RPS6KA2: variants seen among roughly 807,000 people sequenced by gnomAD.
RPS6KA2 encodes ribosomal protein S6 kinase alpha-2.
A neutral mutation model predicts 91.8 loss-of-function variants in RPS6KA2; 42 were observed. The observed-to-expected ratio is 0.46, with a 90% CI of 0.36 to 0.59. RPS6KA2 has a LOEUF of 0.59. RPS6KA2 is among the 20% of genes least tolerant of loss of function. The pLI is 0.00. For synonymous variants in RPS6KA2, 414 were observed against 393.6 expected, an observed-to-expected ratio of 1.05 and a Z score of -0.61; for missense variants, 798 against 978.5, an observed-to-expected ratio of 0.82 and a Z score of 2.46.
chr6:166,494,508 C>A lies in RPS6KA2; in HGVS notation c.748-3767G>T, dbSNP rs1357129906. Among the ~76,000 whole-genome samples, 2 of 152,342 alleles carry A rather than the reference C, an allele frequency of 1.3e-5. No homozygotes were observed. Among genetic ancestry groups the A allele is most frequent in the South Asian group, 4.1e-4 (2 of 4,828 alleles). ...AGAAGGATAAAGTGGTCTCACGAAACCAGAGTGCTCAAGAGATGCTTTAGA... is the reference window on the plus strand; with the variant it reads ...AGAAGGATAAAGTGGTCTCACGAAAACAGAGTGCTCAAGAGATGCTTTAGA... On this transcript the variant is annotated intron_variant, in intron 8 of 20. Coordinates refer to ENST00000265678, the MANE Select transcript of RPS6KA2 (RefSeq NM_021135.6). This position sits in a 1 kb window ranked among gnomAD's most constrained non-coding sequence, Gnocchi z 5.1.
chr6:166,529,790 G>A (rs11962129), intron 3 of RPS6KA2, among the ~76,000 whole-genome samples: 28,343 of 152,084 alleles, frequency 0.19, 2,825 homozygotes, highest in South Asian at 0.25. Context: ...ATCTGTGTTT[G>A]TAACAGTCCT....
intron 1 of RPS6KA2, among the ~76,000 whole-genome samples, chr6:166,556,704 T>C (rs771304997): frequency 5.3e-5 from 8 of 152,200 alleles, no homozygotes; most frequent in Non-Finnish European, 8.8e-5. Context: ...CCAAAGAGAA[T>C]GTAATGTTAC....
At chr6:166,843,753 C>A (rs1193203166) in intron 2 of RPS6KA2, among the ~76,000 whole-genome samples, 1 of 152,032 alleles carries the variant, frequency 6.6e-6, no homozygotes, top group Non-Finnish European at 1.5e-5. Context: ...CCCCATGGAA[C>A]AAAAGAATCT....
chr6:166,556,845 G>A (rs1380719174), intron 1 of RPS6KA2, among the ~76,000 whole-genome samples: 3 of 152,150 alleles, frequency 2.0e-5, no homozygotes, highest in African/African-American at 7.2e-5. Flanking sequence ...AAAAAAACTT[G>A]TCAGGGCAGT....
intron 2 of RPS6KA2, among the ~76,000 whole-genome samples, chr6:166,805,512 G>T (rs1430466934): frequency 1.3e-5 from 2 of 152,132 alleles, no homozygotes; most frequent in African/African-American, 4.8e-5. Flanking sequence ...CATATGCAGG[G>T]AAAATTACAC....
At chr6:166,482,548 A>G (rs59195595) in intron 10 of RPS6KA2, among the ~76,000 whole-genome samples, 2,138 of 152,368 alleles carry the variant, frequency 0.014, 58 homozygotes, top group African/African-American at 0.048. Context: ...CTCAGAAACC[A>G]GAGCCAGGAG....
intron 1 of RPS6KA2, among the ~76,000 whole-genome samples, chr6:166,567,717 C>T (rs1335833062): frequency 1.3e-5 from 2 of 152,172 alleles, no homozygotes; most frequent in East Asian, 3.9e-4. Flanking sequence ...TAAATCACAG[C>T]ACATGCTCGG....
At chr6:166,681,703 C>CCACCCT (rs1788821632) in intron 2 of RPS6KA2, among the ~76,000 whole-genome samples, 1 of 60,248 alleles carries the variant, frequency 1.7e-5, no homozygotes, top group Admixed American at 1.6e-4. Flanking sequence ...CCCCCCCCCG[C>CCACCCT]CCCCGCCCAA....
intron 1 of RPS6KA2, among the ~76,000 whole-genome samples, chr6:166,541,891 A>G (rs1783668182): frequency 6.6e-6 from 1 of 152,146 alleles, no homozygotes; most frequent in South Asian, 2.1e-4. Flanking sequence ...CTTCCCTAAT[A>G]ATATTGCGAT....
intron 1 of RPS6KA2, among the ~76,000 whole-genome samples, chr6:166,570,165 C>T (rs1784642871): frequency 6.6e-6 from 1 of 152,184 alleles, no homozygotes; most frequent in South Asian, 2.1e-4. Flanking sequence ...TTGCAGCAAC[C>T]CCAAGGGTGT....
At chr6:166,491,589 C>T (rs1583201183) in intron 8 of RPS6KA2, among the ~76,000 whole-genome samples, 2 of 152,214 alleles carry the variant, frequency 1.3e-5, no homozygotes, top group South Asian at 4.1e-4. Flanking sequence ...TCTTTCACGT[C>T]AGTTTAAATT....
intron 13 of RPS6KA2, among the ~76,000 whole-genome samples, chr6:166,449,867 CACCACGCGGACCACCATGGGACA>C (rs1419161655): frequency 3.8e-5 from 5 of 131,162 alleles, no homozygotes; most frequent in African/African-American, 1.0e-4. Context: ...CCATGGGAAC[CACCACGCGGACCACCATGGGACA>C]ACCACGAGGA....
intron 2 of RPS6KA2, among the ~76,000 whole-genome samples, chr6:166,816,391 CAAAA>C (rs61347721): frequency 3.3e-5 from 4 of 120,078 alleles, no homozygotes; most frequent in Non-Finnish European, 3.3e-5. Context: ...ACTAAAAATA[CAAAA>C]AAAAAAAAAA....
intron 4 of RPS6KA2, 78 bp downstream of exon 4, chr6:166,510,199 T>C: frequency 1.1e-6 from 1 of 896,576 alleles, no homozygotes; most frequent in Non-Finnish European, 1.8e-6. Context: ...TCTGATCTGT[T>C]ATTTCTTTTT....
chr6:166,682,115 C>G (rs1439222846), intron 2 of RPS6KA2, among the ~76,000 whole-genome samples: 2 of 152,072 alleles, frequency 1.3e-5, no homozygotes, highest in African/African-American at 2.4e-5. Flanking sequence ...GGCAATTTAC[C>G]CAAGGAATGT....
intron 2 of RPS6KA2, among the ~76,000 whole-genome samples, chr6:166,649,793 C>T (rs879801779): frequency 3.9e-5 from 6 of 152,124 alleles, no homozygotes; most frequent in South Asian, 2.1e-4. Context: ...GCTGAGACCA[C>T]GGGCTGTCTT....
intron 1 of RPS6KA2, among the ~76,000 whole-genome samples, chr6:166,568,293 A>G (rs1211637432): frequency 6.6e-6 from 1 of 152,200 alleles, no homozygotes; most frequent in African/African-American, 2.4e-5. Context: ...TTCTCAGAGG[A>G]CTGCATTAAA....
chr6:166,813,602 G>A (rs1779692920), intron 2 of RPS6KA2, among the ~76,000 whole-genome samples: 1 of 152,112 alleles, frequency 6.6e-6, no homozygotes, highest in Non-Finnish European at 1.5e-5. Flanking sequence ...AAACCTGCAG[G>A]AGAACCCTTT....
intron 11 of RPS6KA2, among the ~76,000 whole-genome samples, chr6:166,468,103 G>A (rs377604988): frequency 5.1e-4 from 78 of 152,374 alleles, no homozygotes; most frequent in African/African-American, 1.7e-3. Flanking sequence ...TCTAAACGCC[G>A]TGTAAGGTGA....
Sources: allele counts gnomAD v4.1 joint callset (sites outside exome capture counted in the v4.1 genomes callset), GRCh38; gene constraint gnomAD v4.1.1; non-coding constraint Gnocchi (gnomAD v3.1); transcripts MANE v1.5; gene names NCBI Gene and HGNC (gene_info 2026-07-23, HGNC 2026-07-21).